The following IL20RA variants were observed in gnomAD, a reference collection of about 807,000 sequenced individuals.
IL20RA encodes interleukin-20 receptor subunit alpha.
Under a neutral mutation model 36.5 loss-of-function variants are expected in IL20RA, and 29 were observed. The observed-to-expected ratio is 0.79, with a 90% CI of 0.59 to 1.08. IL20RA has a LOEUF of 1.08. Ranked by LOEUF, IL20RA falls within the 50% of genes least tolerant of loss-of-function variation. IL20RA has a pLI of 0.00. For synonymous variants in IL20RA, 279 were observed against 267.1 expected, an observed-to-expected ratio of 1.04 and a Z score of -0.43; for missense variants, 652 against 668.4, an observed-to-expected ratio of 0.98 and a Z score of 0.27.
At chr6:137,029,399 C>T (rs1017216939) in intron 1 of IL20RA, among the ~76,000 whole-genome samples, 3 of 152,048 alleles carry the variant, frequency 2.0e-5, no homozygotes, top group East Asian at 1.9e-4. Context: ...CTCAGCTACT[C>T]GAGAGGCTGA....
At chr6:137,009,017 A>ATTT in intron 4 of IL20RA, 1 of 560,866 alleles carries the variant, frequency 1.8e-6, no homozygotes. Context: ...CCTTGCTCAC[A>ATTT]TTTTTTTCTT....
At position 137,001,592 on chromosome 6, in the gene IL20RA, T is replaced by C. The variant is rs755010486; in HGVS notation, c.1628A>G (p.Glu543Gly). The part of the protein sequence containing the change: ...ENETYLMQFM[E>G]EWGLYVQMEN ...CATCTGCACATATAACCCCCATTCC[T>C]CCATGAATTGCATGAGATAGGTTTC... The change falls in exon 7 of 7, where the codon GAG (glutamate) becomes GGG (glycine). Residue 543 changes from glutamate (E) to glycine (G), a missense_variant. Transcript: ENST00000316649. 10 of 1,593,560 alleles carry C rather than the reference T, an allele frequency of 6.3e-6. No individual in the cohort carries two copies. The East Asian group carries it at 2.2e-4, about 36-fold the overall frequency.
chr6:137,016,887 C>G, intron 2 of IL20RA, 81 bp downstream of exon 2: 1 of 1,250,150 alleles, frequency 8.0e-7, no homozygotes, highest in Non-Finnish European at 1.1e-6. Context: ...TTTAATACCA[C>G]GGAGAGTTTA....
In IL20RA at chr6:137,001,522, T is replaced by A; in HGVS notation, c.*36A>T. The A allele has an allele frequency of 6.6e-7, 1 of 1,507,140 alleles. No homozygotes were observed. The highest frequency in any genetic ancestry group is 8.9e-7 in the Non-Finnish European group (1 of 1,125,710). 93.4% of individuals were successfully genotyped at this position (1,507,140 alleles called of 1,614,324 possible). On this transcript the variant is annotated 3_prime_UTR_variant, in exon 7 of 7. Coordinates refer to ENST00000316649, the MANE Select transcript of IL20RA (RefSeq NM_014432.4). ...GGATCAAAGGGGTGACTCACTTGTT[T>A]GCACAGGAAACAAAAGGCAAAAGGA...
chr6:137,032,368 G>A (rs1003589326), intron 1 of IL20RA, among the ~76,000 whole-genome samples: 38 of 152,218 alleles, frequency 2.5e-4, no homozygotes, highest in Admixed American at 2.5e-3. Flanking sequence ...TGCCCAGGCA[G>A]TGGTCATCTC....
At chr6:137,004,478 G>T in intron 6 of IL20RA, 143 bp downstream of exon 6, 1 of 874,380 alleles carries the variant, frequency 1.1e-6, no homozygotes, top group Non-Finnish European at 1.8e-6. Flanking sequence ...GCCCAGCCCA[G>T]AAACTGTTTT....
chr6:137,034,345 CTTTA>C, intron 1 of IL20RA, among the ~76,000 whole-genome samples: 1 of 152,218 alleles, frequency 6.6e-6, no homozygotes, highest in Admixed American at 6.5e-5. Flanking sequence ...CAGGACTTAG[CTTTA>C]TTTGTTTGCT....
intron 1 of IL20RA, chr6:137,042,994 T>C (rs2115434032): frequency 6.6e-6 from 1 of 152,344 alleles, no homozygotes; most frequent in Non-Finnish European, 1.5e-5. Context: ...CAAGGTCTCT[T>C]GGGTCAGAAA....
intron 1 of IL20RA, among the ~76,000 whole-genome samples, chr6:137,043,822 T>C (rs964298679): frequency 2.6e-5 from 4 of 152,226 alleles, no homozygotes; most frequent in African/African-American, 9.6e-5. Context: ...ATCCCGGATA[T>C]CTTTTTTGTT....
At position 137,011,446 on chromosome 6, in the gene IL20RA, C is replaced by G; in HGVS notation, c.231G>C (p.Gly77=). 6.2e-7 allele frequency: 1 copy of G among 1,608,140 alleles called. No individual in the cohort carries two copies. Among genetic ancestry groups the G allele is most frequent in the South Asian group, 1.1e-5 (1 of 90,534 alleles). The part of the protein sequence containing the change: ...VTYTVQYFIY[G]QKKWLNKSEC... ...CTGATTTATTCAGCCATTTCTTTTG[C>G]CCATATCTGCTAAGAAAGAAGCTGA... The change falls in exon 3 of 7, where the codon GGG becomes GGC. Residue 77 remains glycine (G), a synonymous_variant. Transcript: ENST00000316649.
chr6:137,013,958 C>T lies in IL20RA; in HGVS notation c.225-2506G>A, dbSNP rs535943421. ...ATCTGAGTGATCTGCTCACACGAAG[C>T]AGTGATGACTCTTGTCTATTTTTTA... On this transcript the variant is annotated intron_variant, in intron 2 of 6. Transcript: ENST00000316649. Among the ~76,000 whole-genome samples, 45 of 152,340 alleles carry T rather than the reference C, an allele frequency of 3.0e-4. 1 individual carries two copies. Among genetic ancestry groups the T allele is most frequent in the South Asian group, 1.9e-3 (9 of 4,828 alleles).
chr6:137,019,048 TTAGA>T (rs1228823958), intron 1 of IL20RA, among the ~76,000 whole-genome samples: 8 of 152,222 alleles, frequency 5.3e-5, no homozygotes, highest in African/African-American at 1.9e-4. Flanking sequence ...AGAAGTTATC[TTAGA>T]TAGTATAGTC....
chr6:137,004,053 G>C (rs981739424), intron 6 of IL20RA, among the ~76,000 whole-genome samples: 19 of 151,954 alleles, frequency 1.3e-4, no homozygotes, highest in Non-Finnish European at 1.2e-4. Flanking sequence ...GGCAGGGCAG[G>C]GATCATGATT....
chr6:137,028,202 G>A (rs1776158884), intron 1 of IL20RA, among the ~76,000 whole-genome samples: 1 of 152,146 alleles, frequency 6.6e-6, no homozygotes, highest in African/African-American at 2.4e-5. Flanking sequence ...TGGATCACCT[G>A]AGGTCAGGAG....
Position 137,024,235 on chromosome 6 carries a change from T to C in IL20RA, c.89-7132A>G, listed in dbSNP as rs1753446066. Among the ~76,000 whole-genome samples the C allele has an allele frequency of 2.0e-5, 3 of 152,244 alleles. No individual in the cohort carries two copies. In the South Asian group the frequency reaches 6.2e-4, roughly 31 times the overall value. The stretch of plus-strand genomic sequence containing the variant: ...AATTGCGAAGTTTTTAGGCACTGTG[T>C]TTGTTTCAAGTTTGAAAAGCATGAT... On this transcript the variant is annotated intron_variant, in intron 1 of 6. Coordinates refer to ENST00000316649, the MANE Select transcript of IL20RA (RefSeq NM_014432.4).
chr6:137,044,138 C>T (rs1776810489), intron 1 of IL20RA: 8 of 985,712 alleles, frequency 8.1e-6, no homozygotes, highest in Non-Finnish European at 9.6e-6. Flanking sequence ...GGGGCTGACC[C>T]TTTCGGGGAG....
chr6:137,042,735 C>T (rs370303532), intron 1 of IL20RA: 68 of 151,976 alleles, frequency 4.5e-4, no homozygotes, highest in African/African-American at 1.4e-3. Context: ...AGCTGTGAGA[C>T]GAAAATTTTT....
At chr6:137,008,780 A>G (rs1775365098) in intron 4 of IL20RA, 37 bp from the exon 5 acceptor site, 2 of 1,507,698 alleles carry the variant, frequency 1.3e-6, no homozygotes, top group Non-Finnish European at 1.8e-6. Context: ...TTAGAGCCAG[A>G]CATTTCTGGG....
At chr6:137,005,242 C>T (rs550127427) in intron 5 of IL20RA, among the ~76,000 whole-genome samples, 3 of 152,310 alleles carry the variant, frequency 2.0e-5, no homozygotes, top group South Asian at 4.1e-4. Context: ...GAATGCATGA[C>T]GCCACTTTTA....
Sources: allele counts gnomAD v4.1 joint callset (sites outside exome capture counted in the v4.1 genomes callset), GRCh38; gene constraint gnomAD v4.1.1; transcripts MANE v1.5; gene names NCBI Gene and HGNC (gene_info 2026-07-23, HGNC 2026-07-21).